Variants in TFCP2 observed in about 807,000 individuals in gnomAD.
The protein encoded by TFCP2 is alpha-globin transcription factor CP2.
TFCP2 carries 33 observed loss-of-function variants against 73.4 expected under a neutral mutation model. The ratio of observed to expected loss-of-function variants is 0.45; its 90% CI spans 0.34 to 0.60. TFCP2 has a LOEUF of 0.60. TFCP2 is among the 20% of genes least tolerant of loss of function. The pLI is 0.01. For missense variants in TFCP2, 352 were observed against 604.0 expected, an observed-to-expected ratio of 0.58 and a Z score of 4.37; for synonymous variants, 193 against 211.6, an observed-to-expected ratio of 0.91 and a Z score of 0.76.
chr12:51,126,232 CA>C lies in TFCP2; in HGVS notation c.123-7461del, dbSNP rs371407608. Among the ~76,000 whole-genome samples the C allele has an allele frequency of 8.3e-3, 732 of 87,734 alleles. 1 individual carries two copies. Among genetic ancestry groups the C allele is most frequent in the African/African-American group, 0.03 (651 of 21,624 alleles). 57.6% of individuals were successfully genotyped at this position (87,734 alleles called of 152,430 possible). ...TGGGTGACAGAGTGAGACTCTGTCTCAAAAAAAAAAAAAAAAAAAGAAAAGA... is the reference window on the plus strand; with the variant it reads ...TGGGTGACAGAGTGAGACTCTGTCTCAAAAAAAAAAAAAAAAAAGAAAAGA... On this transcript the variant is annotated intron_variant, in intron 1 of 14. Coordinates refer to ENST00000257915, the MANE Select transcript of TFCP2 (RefSeq NM_005653.5).
At chr12:51,121,281 C>G (rs561492872) in intron 1 of TFCP2, among the ~76,000 whole-genome samples, 1 of 151,512 alleles carries the variant, frequency 6.6e-6, no homozygotes, top group Non-Finnish European at 1.5e-5. Flanking sequence ...ATTAGCCGGG[C>G]GCGTTGGCGC....
Position 51,165,105 on chromosome 12 carries a change from AG to A in TFCP2, c.122+7195del, listed in dbSNP as rs1230235972. Among the ~76,000 whole-genome samples the A allele has an allele frequency of 3.4e-3, 514 of 152,254 alleles. 3 individuals carry two copies. The highest frequency in any genetic ancestry group is 0.012 in the African/African-American group (485 of 41,564). On this transcript the variant is annotated intron_variant, in intron 1 of 14. Coordinates refer to ENST00000257915, the MANE Select transcript of TFCP2 (RefSeq NM_005653.5). ...CATGGTGGCTCACACCTGTAATCCT[AG>A]CACTTTGGGAGGCTGAGGCAGGAAG...
chr12:51,145,383 GA>G (rs1325350343), intron 1 of TFCP2, among the ~76,000 whole-genome samples: 62 of 124,460 alleles, frequency 5.0e-4, no homozygotes, highest in East Asian at 1.2e-3. Flanking sequence ...CTCTGTCTCA[GA>G]AAAAAAAAAA....
intron 1 of TFCP2, among the ~76,000 whole-genome samples, chr12:51,134,981 G>A (rs1262603382): frequency 6.6e-6 from 1 of 152,028 alleles, no homozygotes; most frequent in Non-Finnish European, 1.5e-5. Context: ...ATAGTGGTGT[G>A]CACCTGTAGT....
In TFCP2 at chr12:51,095,190, G is replaced by A. The variant is rs1460066508; in HGVS notation, c.*51C>T. ...ATTCATATCCCCCTTCAAGAGGGCC[G>A]TTTTCAGAGGTGAAGGAAGGAGCAG... is the stretch of plus-strand genomic sequence containing the variant. On this transcript the variant is annotated 3_prime_UTR_variant, in exon 15 of 15. Coordinates refer to ENST00000257915, the MANE Select transcript of TFCP2 (RefSeq NM_005653.5). 5 of 1,600,014 alleles carry A rather than the reference G, an allele frequency of 3.1e-6. No individual in the cohort carries two copies. Among genetic ancestry groups the A allele is most frequent in the South Asian group, 2.2e-5 (2 of 90,792 alleles).
intron 10 of TFCP2, among the ~76,000 whole-genome samples, chr12:51,103,432 A>C (rs915279386): frequency 2.0e-5 from 3 of 152,258 alleles, no homozygotes; most frequent in Non-Finnish European, 4.4e-5. Flanking sequence ...TGTATGAAAT[A>C]AGCATTTTTA....
rs770743000 is a variant in TFCP2, at chr12:51,116,437, A to C, written c.352-17T>G. ...GAATATACTCTAAAAGGATACAACA[A>C]AATCAGATGATAACAAGACCTCTTG... is the stretch of plus-strand genomic sequence containing the variant. On this transcript the variant is annotated splice_polypyrimidine_tract_variant and intron_variant, in intron 3 of 14. Coordinates refer to ENST00000257915, the MANE Select transcript of TFCP2 (RefSeq NM_005653.5). The C allele has an allele frequency of 1.4e-6, 2 of 1,442,558 alleles. No individual in the cohort carries two copies. The highest frequency in any genetic ancestry group is 4.0e-5 in the Admixed American group (2 of 50,352). 89.4% of individuals were successfully genotyped at this position (1,442,558 alleles called of 1,614,324 possible).
In TFCP2 at chr12:51,161,451, T is replaced by A. The variant is rs1941646421; in HGVS notation, c.122+10850A>T. 3.3e-5 allele frequency among the ~76,000 whole-genome samples: 5 copies of A among 150,432 alleles called. No homozygotes were observed. In the South Asian group the frequency reaches 1.1e-3, roughly 32 times the overall value. ...ATCCCAGCACTTTGGGAGGCCGAGG[T>A]GGGTGGATCACGAGGTCAGGAGATC... On this transcript the variant is annotated intron_variant, in intron 1 of 14. Transcript: ENST00000257915.
chr12:51,100,455 C>T (rs1433148220), intron 11 of TFCP2, among the ~76,000 whole-genome samples: 1 of 152,150 alleles, frequency 6.6e-6, no homozygotes, highest in African/African-American at 2.4e-5. Context: ...TTCCACAAGT[C>T]ATCAACCCCT....
chr12:51,159,698 G>A (rs192560774), intron 1 of TFCP2, among the ~76,000 whole-genome samples: 1 of 152,112 alleles, frequency 6.6e-6, no homozygotes, highest in African/African-American at 2.4e-5. Flanking sequence ...ATGTTGCCCA[G>A]GCTGGCCTCA....
At chr12:51,153,404 T>G (rs867777434) in intron 1 of TFCP2, among the ~76,000 whole-genome samples, 9,342 of 152,116 alleles carry the variant, frequency 0.061, 921 homozygotes, top group African/African-American at 0.21. Flanking sequence ...TAACCTTTTT[T>G]TTTTTTGTTT....
intron 1 of TFCP2, among the ~76,000 whole-genome samples, chr12:51,126,802 G>A (rs574824135): frequency 6.6e-6 from 1 of 152,140 alleles, no homozygotes; most frequent in East Asian, 1.9e-4. Context: ...AACAGCTGAA[G>A]AGACTACACT....
chr12:51,109,034 C>G, intron 6 of TFCP2, 87 bp downstream of exon 6: 1 of 1,462,458 alleles, frequency 6.8e-7, no homozygotes, highest in East Asian at 2.3e-5. Context: ...CAAAAAAAGA[C>G]AAGTTGATTT....
At chr12:51,169,725 A>G (rs1941823836) in intron 1 of TFCP2, among the ~76,000 whole-genome samples, 1 of 152,156 alleles carries the variant, frequency 6.6e-6, no homozygotes, top group Admixed American at 6.6e-5. Flanking sequence ...CCGTCTCAAA[A>G]AGAAAAGAAA....
intron 1 of TFCP2, among the ~76,000 whole-genome samples, chr12:51,154,766 T>C (rs1230047057): frequency 6.6e-6 from 1 of 152,188 alleles, no homozygotes; most frequent in African/African-American, 2.4e-5. Flanking sequence ...CCTATTTTTT[T>C]ACAGGCCACA....
At chr12:51,138,936 C>T (rs1391542937) in intron 1 of TFCP2, among the ~76,000 whole-genome samples, 1 of 152,102 alleles carries the variant, frequency 6.6e-6, no homozygotes, top group Non-Finnish European at 1.5e-5. Flanking sequence ...CCATGCCCGG[C>T]CAGACCACAT....
At chr12:51,115,038 G>T (rs1940491503) in intron 4 of TFCP2, among the ~76,000 whole-genome samples, 1 of 125,012 alleles carries the variant, frequency 8.0e-6, no homozygotes, top group African/African-American at 2.9e-5. Flanking sequence ...TCCAGCCTGG[G>T]CAACAAGAGC....
At chr12:51,142,388 T>C (rs1941214309) in intron 1 of TFCP2, among the ~76,000 whole-genome samples, 1 of 152,090 alleles carries the variant, frequency 6.6e-6, no homozygotes, top group South Asian at 2.1e-4. Flanking sequence ...CGGGTCTGCA[T>C]GTTACTGCAA....
chr12:51,149,687 C>A (rs1285498574), intron 1 of TFCP2, among the ~76,000 whole-genome samples: 2 of 152,048 alleles, frequency 1.3e-5, no homozygotes, highest in African/African-American at 4.8e-5. Flanking sequence ...GCAATCTCTG[C>A]CTCCCAGGTT....
Sources: gnomAD v4.1 joint callset for allele counts (sites outside exome capture counted in the v4.1 genomes callset) on GRCh38, gnomAD v4.1.1 for gene constraint, MANE v1.5 for transcripts, NCBI Gene and HGNC (gene_info 2026-07-23, HGNC 2026-07-21) for gene names.